Variants in TCAIM observed in about 807,000 individuals in gnomAD.
TCAIM encodes T-cell activation inhibitor, mitochondrial.
Under a neutral mutation model 58.6 loss-of-function variants are expected in TCAIM, and 36 were observed. The ratio of observed to expected loss-of-function variants is 0.61; its 90% CI spans 0.47 to 0.81. TCAIM has a LOEUF of 0.81. Among genes scored for constraint, TCAIM ranks in the 30% least tolerant of loss-of-function variants. The pLI is 0.00. For missense variants in TCAIM, 466 were observed against 579.6 expected, an observed-to-expected ratio of 0.80 and a Z score of 2.01; for synonymous variants, 172 against 193.6, an observed-to-expected ratio of 0.89 and a Z score of 0.93.
chr3:44,400,625 C>G (rs773835122), intron 9 of TCAIM, 38 bp downstream of exon 9: 6 of 1,542,236 alleles, frequency 3.9e-6, no homozygotes, highest in Non-Finnish European at 5.4e-6. Flanking sequence ...TTTATTCCTT[C>G]GTCTAGGTGG....
chr3:44,343,926 A>G (rs1407468150), intron 1 of TCAIM, among the ~76,000 whole-genome samples: 1 of 152,126 alleles, frequency 6.6e-6, no homozygotes, highest in Non-Finnish European at 1.5e-5. Flanking sequence ...CTCTGTGATT[A>G]CAAAGCGATT....
intron 4 of TCAIM, among the ~76,000 whole-genome samples, chr3:44,365,311 G>A (rs1049468594): frequency 1.6e-4 from 25 of 151,994 alleles, no homozygotes; most frequent in African/African-American, 5.1e-4. Context: ...TTAAAGTGTG[G>A]TGTCTGTCAT....
chr3:44,399,255 G>C (rs537933706), intron 8 of TCAIM, among the ~76,000 whole-genome samples: 1 of 152,286 alleles, frequency 6.6e-6, no homozygotes, highest in Admixed American at 6.5e-5. Flanking sequence ...GTACTATTAA[G>C]TGAAAGGTAT....
intron 5 of TCAIM, among the ~76,000 whole-genome samples, chr3:44,375,428 AG>A (rs1434635387): frequency 6.6e-5 from 10 of 152,140 alleles, no homozygotes; most frequent in African/African-American, 1.9e-4. Flanking sequence ...AGAGAGGAGG[AG>A]GCGCCAGGCT....
chr3:44,393,217 G>A (rs569494750), intron 6 of TCAIM, among the ~76,000 whole-genome samples: 1 of 152,220 alleles, frequency 6.6e-6, no homozygotes, highest in East Asian at 1.9e-4. Context: ...CAGCACTTTG[G>A]GAGGCCAAGG....
At chr3:44,401,961 A>C (rs1303882841) in intron 10 of TCAIM, among the ~76,000 whole-genome samples, 1 of 152,122 alleles carries the variant, frequency 6.6e-6, no homozygotes, top group African/African-American at 2.4e-5. Context: ...TGAACCCAGG[A>C]GGCAGAGGTT....
chr3:44,381,868 A>G (rs1701661103), intron 5 of TCAIM, among the ~76,000 whole-genome samples: 1 of 152,196 alleles, frequency 6.6e-6, no homozygotes, highest in Non-Finnish European at 1.5e-5. Flanking sequence ...TACAAAAACA[A>G]TTCCATTTAC....
At chr3:44,392,269 A>G (rs1311473400) in intron 5 of TCAIM, among the ~76,000 whole-genome samples, 2 of 151,884 alleles carry the variant, frequency 1.3e-5, no homozygotes, top group Non-Finnish European at 2.9e-5. Context: ...TTGATTGAAA[A>G]CTCAGTTTAA....
Position 44,357,842 on chromosome 3 carries a change from A to G in TCAIM, c.131A>G (p.His44Arg), listed in dbSNP as rs758122425. ...NALRPFYFAVHPDFFGQHPVE... is the reference protein window; with the variant it reads ...NALRPFYFAVRPDFFGQHPVE... ...TTGAGGCCTTTCTATTTTGCAGTAC[A>G]TCCAGATTTCTTTGGACAGCACCCC... is the stretch of plus-strand genomic sequence containing the variant. Residue 44 changes from histidine (H) to arginine (R), a missense_variant, in exon 3 of 11, where the codon CAT becomes CGT. Physicochemically the swap from His to Arg is conservative, Grantham distance 29. Transcript: ENST00000342649. The G allele has an allele frequency of 2.5e-6, 4 of 1,614,026 alleles. No homozygotes were observed. In the South Asian group the frequency reaches 3.3e-5, roughly 13 times the overall value.
At chr3:44,354,098 T>C (rs538018832) in intron 1 of TCAIM, among the ~76,000 whole-genome samples, 2 of 152,340 alleles carry the variant, frequency 1.3e-5, no homozygotes, top group East Asian at 1.9e-4. Context: ...TTGTGAACAA[T>C]GTAAGGTCTG....
At chr3:44,393,685 G>A (rs963652366) in intron 6 of TCAIM, among the ~76,000 whole-genome samples, 88 of 152,154 alleles carry the variant, frequency 5.8e-4, no homozygotes, top group African/African-American at 1.9e-3. Flanking sequence ...CACTTTGGGA[G>A]GCCAAGGCAG....
chr3:44,345,046 A>G (rs1469592747), intron 1 of TCAIM, among the ~76,000 whole-genome samples: 1 of 152,160 alleles, frequency 6.6e-6, no homozygotes, highest in African/African-American at 2.4e-5. Flanking sequence ...TCTTACATTA[A>G]TAAGAAAAAT....
chr3:44,352,432 T>C (rs981024818), intron 1 of TCAIM, among the ~76,000 whole-genome samples: 7 of 152,198 alleles, frequency 4.6e-5, no homozygotes, highest in African/African-American at 1.7e-4. Context: ...ATTCAAATCC[T>C]TTCCCCCACT....
rs565003916 is a variant in TCAIM, at chr3:44,351,264, C to A, written c.-44-3475C>A. On this transcript the variant is annotated intron_variant, in intron 1 of 10. Coordinates refer to ENST00000342649, the MANE Select transcript of TCAIM (RefSeq NM_173826.4). ...TCGGCCTCCCAAAGTGCTGGGGACC[C>A]AAGGTCATAGGTGGATCTTTCTTAC... Among the ~76,000 whole-genome samples the A allele has an allele frequency of 2.0e-5, 3 of 152,086 alleles. No individual in the cohort carries two copies. The East Asian group carries it at 5.8e-4, about 29-fold the overall frequency.
chr3:44,392,025 A>G (rs1701846357), intron 5 of TCAIM, among the ~76,000 whole-genome samples: 1 of 152,220 alleles, frequency 6.6e-6, no homozygotes, highest in African/African-American at 2.4e-5. Flanking sequence ...ATCAGTGAAA[A>G]TCCAGTATAG....
At chr3:44,338,421 T>G (rs1216914260), upstream of TCAIM, 1 of 152,322 alleles carries the variant, frequency 6.6e-6, no homozygotes, top group African/African-American at 2.4e-5. Context: ...GAAGGTTGAA[T>G]CCACGCCCTG....
At chr3:44,357,526 A>T (rs572701686) in intron 2 of TCAIM, among the ~76,000 whole-genome samples, 3 of 152,338 alleles carry the variant, frequency 2.0e-5, no homozygotes, top group East Asian at 3.9e-4. Flanking sequence ...ATGTTATTTA[A>T]TATTTCTCAT....
At chr3:44,338,637 A>G (rs1453372832), upstream of TCAIM, 1 of 152,564 alleles carries the variant, frequency 6.6e-6, no homozygotes, top group Non-Finnish European at 1.5e-5. Flanking sequence ...GGAGCCCGTC[A>G]AAGCCTGTCG....
At chr3:44,389,406 G>A (rs1429992722) in intron 5 of TCAIM, among the ~76,000 whole-genome samples, 2 of 152,170 alleles carry the variant, frequency 1.3e-5, no homozygotes, top group Non-Finnish European at 2.9e-5. Flanking sequence ...TACATTAAAT[G>A]TAAGAATTCC....
Sources: gnomAD v4.1 joint callset for allele counts (sites outside exome capture counted in the v4.1 genomes callset) on GRCh38, gnomAD v4.1.1 for gene constraint, MANE v1.5 for transcripts, NCBI Gene and HGNC (gene_info 2026-07-23, HGNC 2026-07-21) for gene names.